The following KDM2A variants were observed in gnomAD, a reference collection of about 807,000 sequenced individuals.
KDM2A encodes the protein lysine-specific demethylase 2A.
A neutral mutation model predicts 137.3 loss-of-function variants in KDM2A; 3 were observed. That is an observed-to-expected ratio of 0.02 (90% CI 0.01 to 0.06). The LOEUF (loss-of-function observed/expected upper bound fraction) is 0.06. Ranked by LOEUF, KDM2A falls within the 10% of genes least tolerant of loss-of-function variation. KDM2A has a pLI of 1.00. For missense variants in KDM2A, 738 were observed against 1,510.6 expected (o/e 0.49, Z 8.48); for synonymous variants, 512 against 541.5 (o/e 0.95, Z 0.76).
At chr11:67,196,991 T>A (rs1399380288) in intron 5 of KDM2A, 2 of 153,030 alleles carry the variant, frequency 1.3e-5, no homozygotes, top group African/African-American at 2.4e-5. Flanking sequence ...TCTTCGGTTT[T>A]CTTCCCACTT....
rs1590833366 is a variant in KDM2A, at chr11:67,253,375, C to T, written c.2933-78C>T. 4.6e-6 allele frequency: 6 copies of T among 1,308,290 alleles called. No homozygotes were observed. The East Asian group carries it at 1.4e-4, about 30-fold the overall frequency. The allele number at this position is 1,308,290 out of a possible 1,614,324, so 81.0% of individuals were successfully genotyped here. A position where few individuals can be genotyped will look rare whatever the true frequency, so the allele number is the denominator to read the frequency against. On this transcript the variant is annotated intron_variant, in intron 18 of 20. Transcript: ENST00000529006. Reference sequence around the variant, plus strand: ...TCTCCTATTAGACTGGAAGTTTGTTCACTTTGCTCAGATCGTTACGGCTCT... The same window carrying T: ...TCTCCTATTAGACTGGAAGTTTGTTTACTTTGCTCAGATCGTTACGGCTCT...
intron 12 of KDM2A, among the ~76,000 whole-genome samples, chr11:67,234,965 T>G (rs891116165): frequency 6.6e-6 from 1 of 151,498 alleles, no homozygotes; most frequent in Non-Finnish European, 1.5e-5. Flanking sequence ...GCTAACATGG[T>G]GAAACCCCGT....
chr11:67,205,718 G>A (rs981553359), intron 5 of KDM2A, among the ~76,000 whole-genome samples: 1 of 152,074 alleles, frequency 6.6e-6, no homozygotes, highest in Non-Finnish European at 1.5e-5. Context: ...CTGGACAGAA[G>A]CTGTCTGCCC....
chr11:67,202,451 A>G (rs999638920), intron 5 of KDM2A, among the ~76,000 whole-genome samples: 1 of 152,142 alleles, frequency 6.6e-6, no homozygotes, highest in South Asian at 2.1e-4. Context: ...GTATCAATCC[A>G]TGTTGCAAAC....
At chr11:67,223,999 G>A (rs151222310) in intron 10 of KDM2A, among the ~76,000 whole-genome samples, 10 of 152,322 alleles carry the variant, frequency 6.6e-5, no homozygotes, top group East Asian at 1.9e-4. Flanking sequence ...TAAGAAACCA[G>A]AATCAGGGTC....
chr11:67,147,397 C>T (rs547572876), intron 2 of KDM2A, among the ~76,000 whole-genome samples: 3 of 151,886 alleles, frequency 2.0e-5, no homozygotes, highest in South Asian at 2.1e-4. Flanking sequence ...AGAAAATTAG[C>T]CGGGTGTGGT....
chr11:67,191,784 G>A (rs1857360438), intron 5 of KDM2A, among the ~76,000 whole-genome samples: 1 of 152,178 alleles, frequency 6.6e-6, no homozygotes, highest in African/African-American at 2.4e-5. Context: ...ACAGCGTAAA[G>A]GCGCCTGCTT....
At chr11:67,131,366 G>A (rs1855850755) in intron 2 of KDM2A, among the ~76,000 whole-genome samples, 1 of 151,644 alleles carries the variant, frequency 6.6e-6, no homozygotes, top group South Asian at 2.1e-4. Flanking sequence ...ACGGTGTGTA[G>A]GCTGAGTACT....
chr11:67,134,541 G>A (rs1202780477), intron 2 of KDM2A, among the ~76,000 whole-genome samples: 4 of 152,008 alleles, frequency 2.6e-5, no homozygotes, highest in African/African-American at 9.7e-5. Flanking sequence ...CAGTCAATCT[G>A]TTGCCGAGGC....
chr11:67,131,020 T>C (rs566341160), intron 2 of KDM2A, among the ~76,000 whole-genome samples: 122 of 152,202 alleles, frequency 8.0e-4, no homozygotes, highest in African/African-American at 2.9e-3. Flanking sequence ...CAACGTCTCT[T>C]GTGTACTTTA....
At chr11:67,219,425 T>C in intron 10 of KDM2A, 22 bp downstream of exon 10, 2 of 1,380,448 alleles carry the variant, frequency 1.4e-6, no homozygotes, top group Non-Finnish European at 2.0e-6. Context: ...TATGTAACAG[T>C]TGCATGTGAA....
intron 5 of KDM2A, among the ~76,000 whole-genome samples, chr11:67,192,433 C>CTTTTTTTTTTTTTT (rs921321640): frequency 9.9e-5 from 7 of 70,558 alleles, no homozygotes; most frequent in East Asian, 4.3e-4. Context: ...GTTTCCATTT[C>CTTTTTTTTTTTTTT]TTTTTTTTTT....
chr11:67,125,817 G>T (rs1175532434), intron 2 of KDM2A, among the ~76,000 whole-genome samples: 1 of 150,970 alleles, frequency 6.6e-6, no homozygotes, highest in South Asian at 2.1e-4. Context: ...GGTGTAGGGC[G>T]CCTGTAATAC....
chr11:67,225,121 C>A (rs1858499332), intron 10 of KDM2A, among the ~76,000 whole-genome samples: 1 of 152,070 alleles, frequency 6.6e-6, no homozygotes, highest in Non-Finnish European at 1.5e-5. Context: ...AGCCATCACG[C>A]CCGGCGGCTG....
intron 2 of KDM2A, among the ~76,000 whole-genome samples, chr11:67,175,025 A>G (rs538334744): frequency 7.2e-5 from 11 of 152,278 alleles, no homozygotes; most frequent in South Asian, 4.1e-4. Context: ...TAGTAAGCCA[A>G]TTTGTATTAT....
rs554419106 is a variant in KDM2A at position 67,129,551 on chromosome 11, G to A, written c.42+8193G>A. The stretch of plus-strand genomic sequence containing the variant: ...AGATCGAGACCATCCTGGCTAACAC[G>A]GTGAAACCCCGTCTCTACTAAAAAT... On this transcript the variant is annotated intron_variant, in intron 2 of 20. Transcript: ENST00000529006. 4.6e-5 allele frequency among the ~76,000 whole-genome samples: 7 copies of A among 152,030 alleles called. No homozygotes were observed. The East Asian group carries it at 7.8e-4, about 17-fold the overall frequency.
At chr11:67,135,125 A>G (rs1024385108) in intron 2 of KDM2A, among the ~76,000 whole-genome samples, 28 of 150,762 alleles carry the variant, frequency 1.9e-4, no homozygotes, top group African/African-American at 5.6e-4. Context: ...CTGGAGTGCA[A>G]TGGCGCGATC....
rs762785478 is a variant in KDM2A, at chr11:67,245,124, A to G, written c.1564-65A>G. The G allele has an allele frequency of 3.8e-6, 6 of 1,559,920 alleles. No homozygotes were observed. Among genetic ancestry groups the G allele is most frequent in the Non-Finnish European group, 5.2e-6 (6 of 1,148,596 alleles). On this transcript the variant is annotated intron_variant, in intron 13 of 20. Coordinates refer to ENST00000529006, the MANE Select transcript of KDM2A (RefSeq NM_012308.3). This position sits in a 1 kb window ranked among gnomAD's most constrained non-coding sequence, Gnocchi z 4.1. Reference sequence around the variant, plus strand: ...CCCAGGCTAGGTATGCTACCATGTAATCTTCTACCCTATCCAGTCTTAAAG... The same window carrying G: ...CCCAGGCTAGGTATGCTACCATGTAGTCTTCTACCCTATCCAGTCTTAAAG...
At chr11:67,232,993 A>G (rs1411042264) in intron 12 of KDM2A, among the ~76,000 whole-genome samples, 1 of 152,084 alleles carries the variant, frequency 6.6e-6, no homozygotes, top group Non-Finnish European at 1.5e-5. Flanking sequence ...TACGGGCATG[A>G]GCCTCCACAC....
Sources: gnomAD v4.1 joint callset for allele counts (sites outside exome capture counted in the v4.1 genomes callset) on GRCh38, gnomAD v4.1.1 for gene constraint, Gnocchi (gnomAD v3.1) non-coding constraint, MANE v1.5 for transcripts, NCBI Gene and HGNC (gene_info 2026-07-23, HGNC 2026-07-21) for gene names.